NREP: variants seen among roughly 807,000 people sequenced by gnomAD.
The protein encoded by NREP is neuronal regeneration related protein, also known as neuronal regeneration-related protein.
A neutral mutation model predicts 8.6 loss-of-function variants in NREP; 5 were observed. That is an observed-to-expected ratio of 0.58 (90% CI 0.30 to 1.22). NREP has a LOEUF of 1.22. Among genes scored for constraint, NREP ranks in the 50% most tolerant of loss-of-function variants. NREP has a pLI of 0.07. For missense variants in NREP, 86 were observed against 82.5 expected (o/e 1.04, Z -0.17); for synonymous variants, 27 against 28.0 (o/e 0.96, Z 0.11).
chr5:111,937,104 C>T (rs994585305), intron 2 of NREP, among the ~76,000 whole-genome samples: 1 of 152,076 alleles, frequency 6.6e-6, no homozygotes, highest in Non-Finnish European at 1.5e-5. Flanking sequence ...CACCTTTCAC[C>T]TTCAGAGGAG....
At chr5:111,745,310 T>C (rs1357727178) in intron 2 of NREP, among the ~76,000 whole-genome samples, 1 of 152,206 alleles carries the variant, frequency 6.6e-6, no homozygotes, top group Non-Finnish European at 1.5e-5. Context: ...CATGTGTTGC[T>C]ACAGTCCTGG....
At chr5:111,878,674 G>T (rs938281115) in intron 2 of NREP, among the ~76,000 whole-genome samples, 1 of 152,192 alleles carries the variant, frequency 6.6e-6, no homozygotes. Context: ...AAAAGGCACT[G>T]TTCAGAAGAC....
chr5:111,895,232 G>T (rs146264631), intron 2 of NREP, among the ~76,000 whole-genome samples: 1 of 152,150 alleles, frequency 6.6e-6, no homozygotes, highest in Non-Finnish European at 1.5e-5. Context: ...GGACAGAGTG[G>T]GGCTCAGGAA....
intron 1 of NREP, chr5:111,976,611 T>G: frequency 1.1e-6 from 1 of 914,116 alleles, no homozygotes; most frequent in East Asian, 2.7e-5. Flanking sequence ...AAGGTTAAAA[T>G]GGAGAGGTCA....
intron 2 of NREP, chr5:111,949,010 A>G (rs2112630552): frequency 6.6e-6 from 1 of 152,244 alleles, no homozygotes; most frequent in East Asian, 1.9e-4. Context: ...GAACCTGAGC[A>G]AGAAAACTAA....
intron 2 of NREP, among the ~76,000 whole-genome samples, chr5:111,778,916 T>C (rs1220236618): frequency 6.6e-6 from 1 of 152,304 alleles, no homozygotes; most frequent in South Asian, 2.1e-4. Context: ...TGACATTTCA[T>C]TCAGTACTAA....
intron 2 of NREP, among the ~76,000 whole-genome samples, chr5:111,791,566 C>T (rs1402403716): frequency 2.0e-5 from 3 of 152,156 alleles, no homozygotes; most frequent in Admixed American, 2.0e-4. Flanking sequence ...GTGGCCTCAA[C>T]CTCCTAGGCC....
At chr5:111,871,879 A>T (rs1753799331) in intron 2 of NREP, among the ~76,000 whole-genome samples, 1 of 143,592 alleles carries the variant, frequency 7.0e-6, no homozygotes, top group African/African-American at 2.8e-5. Context: ...TATATATGAA[A>T]ATCTCGTTCT....
At chr5:111,756,312 A>AACC in intron 1 of NREP, 1 of 99,468 alleles carries the variant, frequency 1.0e-5, no homozygotes, top group Non-Finnish European at 1.6e-5. Context: ...AAAAAAAAAA[A>AACC]CCCTACACGG....
chr5:111,899,454 C>T (rs887053530), intron 2 of NREP, among the ~76,000 whole-genome samples: 23 of 151,984 alleles, frequency 1.5e-4, no homozygotes, highest in African/African-American at 5.6e-4. Context: ...TTCATGACCG[C>T]AGTGAGCTAT....
chr5:111,881,308 A>T (rs1358528272), intron 2 of NREP, among the ~76,000 whole-genome samples: 1 of 152,200 alleles, frequency 6.6e-6, no homozygotes, highest in Non-Finnish European at 1.5e-5. Context: ...TTGCTTAGGT[A>T]AACAAAGCAG....
chr5:111,748,267 G>C (rs773235748), intron 2 of NREP, among the ~76,000 whole-genome samples: 1 of 152,070 alleles, frequency 6.6e-6, no homozygotes, highest in South Asian at 2.1e-4. Flanking sequence ...CCAAACATTT[G>C]AGCCTTCTAA....
At chr5:111,787,746 G>A (rs1751645416) in intron 2 of NREP, among the ~76,000 whole-genome samples, 1 of 152,042 alleles carries the variant, frequency 6.6e-6, no homozygotes, top group East Asian at 1.9e-4. Context: ...TTAAAATTCT[G>A]TAAATATACT....
chr5:111,904,117 A>T (rs540804023), intron 2 of NREP, among the ~76,000 whole-genome samples: 2 of 152,228 alleles, frequency 1.3e-5, no homozygotes, highest in South Asian at 2.1e-4. Context: ...TAATTCCCAT[A>T]TACTCCCTCT....
chr5:111,863,050 G>A (rs1264590616), intron 2 of NREP, among the ~76,000 whole-genome samples: 2 of 151,808 alleles, frequency 1.3e-5, no homozygotes, highest in South Asian at 4.2e-4. Context: ...CAATTTTAAT[G>A]ATCACTTTGA....
chr5:111,854,358 C>G (rs778739066), intron 2 of NREP, among the ~76,000 whole-genome samples: 1 of 152,140 alleles, frequency 6.6e-6, no homozygotes, highest in South Asian at 2.1e-4. Context: ...TCAGGGAGCA[C>G]TTTGTAGGGT....
intron 2 of NREP, among the ~76,000 whole-genome samples, chr5:111,778,679 TTTG>T (rs1751419778): frequency 6.6e-6 from 1 of 152,162 alleles, no homozygotes; most frequent in South Asian, 2.1e-4. Flanking sequence ...TACAAGTTTG[TTTG>T]TGTTTGTTTG....
At chr5:111,813,404 C>G (rs931399137) in intron 2 of NREP, among the ~76,000 whole-genome samples, 3 of 152,136 alleles carry the variant, frequency 2.0e-5, no homozygotes, top group African/African-American at 7.2e-5. Context: ...TTTACCAAAT[C>G]CTGTGAGTTA....
intron 2 of NREP, among the ~76,000 whole-genome samples, chr5:111,881,462 C>T (rs1754066987): frequency 6.6e-6 from 1 of 152,314 alleles, no homozygotes; most frequent in Non-Finnish European, 1.5e-5. Flanking sequence ...TGTCTGACAG[C>T]TTTGAAGAGA....
Sources: gnomAD v4.1 joint callset for allele counts (sites outside exome capture counted in the v4.1 genomes callset) on GRCh38, gnomAD v4.1.1 for gene constraint, MANE v1.5 for transcripts, NCBI Gene and HGNC (gene_info 2026-07-23, HGNC 2026-07-21) for gene names.